Variants in EPHA6 observed in about 807,000 individuals in gnomAD.
EPHA6 encodes the protein ephrin type-A receptor 6.
EPHA6 carries 50 observed loss-of-function variants against 112.0 expected under a neutral mutation model. That is an observed-to-expected ratio of 0.45 (90% CI 0.36 to 0.56). The LOEUF (loss-of-function observed/expected upper bound fraction) is 0.56, where lower values mean the gene tolerates loss of function less well. Among genes scored for constraint, EPHA6 ranks in the 20% least tolerant of loss-of-function variants. EPHA6 has a pLI of 0.00. For missense variants in EPHA6, 1,280 were observed against 1,417.4 expected (o/e 0.90, Z 1.56); for synonymous variants, 529 against 490.7 (o/e 1.08, Z -1.03).
intron 3 of EPHA6, among the ~76,000 whole-genome samples, chr3:97,011,444 G>A (rs1216762009): frequency 6.6e-6 from 1 of 152,158 alleles, no homozygotes; most frequent in Non-Finnish European, 1.5e-5. Flanking sequence ...CAAGCAAACA[G>A]GTAGTTACAT....
chr3:97,128,035 G>A (rs1015443129), intron 3 of EPHA6, among the ~76,000 whole-genome samples: 1 of 151,910 alleles, frequency 6.6e-6, no homozygotes, highest in Non-Finnish European at 1.5e-5. Flanking sequence ...CTGAGTCTCC[G>A]GTGTCCATTA....
chr3:97,119,226 A>C (rs945014364), intron 3 of EPHA6, among the ~76,000 whole-genome samples: 5 of 152,002 alleles, frequency 3.3e-5, no homozygotes, highest in African/African-American at 1.2e-4. Flanking sequence ...GCTACTAAGA[A>C]ACTATGCACT....
chr3:97,310,147 T>C (rs192655050), intron 5 of EPHA6, among the ~76,000 whole-genome samples: 1 of 151,608 alleles, frequency 6.6e-6, no homozygotes, highest in East Asian at 1.9e-4. Flanking sequence ...CCCCCACAAC[T>C]CCTCTCTTTC....
intron 11 of EPHA6, among the ~76,000 whole-genome samples, chr3:97,541,568 C>T (rs1022302537): frequency 2.0e-5 from 3 of 152,076 alleles, no homozygotes; most frequent in African/African-American, 7.2e-5. Flanking sequence ...TCCAGGATCC[C>T]ACACTGCATT....
intron 11 of EPHA6, among the ~76,000 whole-genome samples, chr3:97,556,789 A>G (rs558087433): frequency 3.3e-5 from 5 of 152,074 alleles, no homozygotes; most frequent in Non-Finnish European, 7.4e-5. Context: ...TAAAAATCAC[A>G]GAACTGAAAA....
At chr3:97,559,017 T>A (rs1228320312) in intron 11 of EPHA6, among the ~76,000 whole-genome samples, 1 of 152,054 alleles carries the variant, frequency 6.6e-6, no homozygotes, top group African/African-American at 2.4e-5. Flanking sequence ...ATATGTGTCA[T>A]CATTTAAAAA....
At chr3:96,903,802 G>T (rs2038758121) in intron 2 of EPHA6, among the ~76,000 whole-genome samples, 1 of 152,064 alleles carries the variant, frequency 6.6e-6, no homozygotes, top group South Asian at 2.1e-4. Context: ...CAAAGGAAAT[G>T]AATAGACACT....
At chr3:97,640,460 G>A (rs1011075594) in intron 14 of EPHA6, among the ~76,000 whole-genome samples, 13 of 152,040 alleles carry the variant, frequency 8.6e-5, no homozygotes, top group South Asian at 2.1e-4. Flanking sequence ...AAACATAGAC[G>A]CATGTCTTAG....
chr3:97,110,662 T>G (rs1281219707), intron 3 of EPHA6, among the ~76,000 whole-genome samples: 1 of 151,942 alleles, frequency 6.6e-6, no homozygotes, highest in Non-Finnish European at 1.5e-5. Flanking sequence ...GTAGCTGGGA[T>G]TACAAGCATG....
At chr3:97,017,844 G>A (rs1350502798) in intron 3 of EPHA6, among the ~76,000 whole-genome samples, 2 of 151,968 alleles carry the variant, frequency 1.3e-5, no homozygotes, top group Non-Finnish European at 2.9e-5. Flanking sequence ...GGTTGGGGAT[G>A]TTCTTTGTTG....
chr3:97,573,554 C>A (rs1177522627), intron 11 of EPHA6, among the ~76,000 whole-genome samples: 1 of 151,754 alleles, frequency 6.6e-6, no homozygotes, highest in Non-Finnish European at 1.5e-5. Context: ...AGTAAGGTAA[C>A]CAGTATGATG....
At chr3:97,727,144 C>G (rs1296251247) in intron 15 of EPHA6, among the ~76,000 whole-genome samples, 4 of 152,000 alleles carry the variant, frequency 2.6e-5, no homozygotes, top group African/African-American at 4.8e-5. Flanking sequence ...GGGAGCATTT[C>G]ATTTGAGGTT....
chr3:97,122,014 G>T (rs2048055318), intron 3 of EPHA6, among the ~76,000 whole-genome samples: 1 of 152,092 alleles, frequency 6.6e-6, no homozygotes, highest in East Asian at 1.9e-4. Context: ...TATTGTATAT[G>T]TCTTCATTAA....
intron 11 of EPHA6, among the ~76,000 whole-genome samples, chr3:97,540,566 T>C (rs1225845503): frequency 6.6e-6 from 1 of 152,174 alleles, no homozygotes; most frequent in Non-Finnish European, 1.5e-5. Context: ...ATCACCTCCC[T>C]AGAATTACCT....
At chr3:96,854,229 GA>G (rs1252435780) in intron 1 of EPHA6, among the ~76,000 whole-genome samples, 1 of 147,424 alleles carries the variant, frequency 6.8e-6, no homozygotes, top group Non-Finnish European at 1.5e-5. Flanking sequence ...TCCCAGGCTG[GA>G]GTGCAGTGGC....
chr3:97,375,140 CATGAAGTTTAG>C (rs2085281792), intron 5 of EPHA6, among the ~76,000 whole-genome samples: 1 of 152,122 alleles, frequency 6.6e-6, no homozygotes, highest in African/African-American at 2.4e-5. Context: ...CCTGCCAGCT[CATGAAGTTTAG>C]AAAACAGAAC....
intron 15 of EPHA6, among the ~76,000 whole-genome samples, chr3:97,723,186 A>G (rs1047607623): frequency 1.3e-5 from 2 of 152,236 alleles, no homozygotes; most frequent in African/African-American, 4.8e-5. Flanking sequence ...TCCACAGAGC[A>G]GAAGGACAAA....
At chr3:97,730,103 A>G (rs1417902317) in intron 15 of EPHA6, among the ~76,000 whole-genome samples, 1 of 152,096 alleles carries the variant, frequency 6.6e-6, no homozygotes, top group Non-Finnish European at 1.5e-5. Flanking sequence ...TGCACAGTCT[A>G]AGCAGTCCTT....
chr3:97,194,126 T>C (rs1378911055), intron 3 of EPHA6, among the ~76,000 whole-genome samples: 1 of 152,066 alleles, frequency 6.6e-6, no homozygotes, highest in Admixed American at 6.6e-5. Context: ...GGTTTGCTCT[T>C]GCTTTTCTAG....
Sources: gnomAD v4.1 joint callset for allele counts (sites outside exome capture counted in the v4.1 genomes callset) on GRCh38, gnomAD v4.1.1 for gene constraint, MANE v1.5 for transcripts, NCBI Gene and HGNC (gene_info 2026-07-23, HGNC 2026-07-21) for gene names.